Variants in LPIN2 observed in about 807,000 individuals in gnomAD.
The protein encoded by LPIN2 is lipin 2, also known as phosphatidate phosphatase LPIN2.
Under a neutral mutation model 111.4 loss-of-function variants are expected in LPIN2, and 55 were observed. The ratio of observed to expected loss-of-function variants is 0.49; its 90% confidence interval spans 0.40 to 0.62. The LOEUF is 0.62. Among genes scored for constraint, LPIN2 ranks in the 20% least tolerant of loss-of-function variants. The pLI, the probability that LPIN2 is intolerant of heterozygous loss-of-function variation, is 0.00. For missense variants in LPIN2, 992 were observed against 1,112.1 expected, an observed-to-expected ratio of 0.89 and a Z score of 1.54; for synonymous variants, 425 against 414.0, an observed-to-expected ratio of 1.03 and a Z score of -0.32.
rs2077208964 is a variant in LPIN2, at chr18:2,931,248, C to A, written c.1456+8G>T. The A allele has an allele frequency of 6.2e-7, 1 of 1,613,936 alleles. No homozygotes were observed. The highest frequency in any genetic ancestry group is 1.1e-5 in the South Asian group (1 of 90,996). ...GAAATGAAGATGGGGCACAAACACC[C>A]AACGTACCTTTTGAAATTTCTCCAT... On this transcript the variant is annotated splice_region_variant and intron_variant, in intron 9 of 19. Transcript: ENST00000677752.
At chr18:2,958,039 G>A (rs2077639790) in intron 2 of LPIN2, among the ~76,000 whole-genome samples, 1 of 150,566 alleles carries the variant, frequency 6.6e-6, no homozygotes, top group Non-Finnish European at 1.5e-5. Flanking sequence ...CTACTCGGGA[G>A]GCTGAGGCAG....
chr18:2,973,959 C>T (rs1292135728), intron 1 of LPIN2, among the ~76,000 whole-genome samples: 1 of 152,208 alleles, frequency 6.6e-6, no homozygotes, highest in East Asian at 1.9e-4. Flanking sequence ...TAGGGATGCT[C>T]ATTCTGTACT....
chr18:2,999,711 A>G (rs1029817780), intron 1 of LPIN2, among the ~76,000 whole-genome samples: 1 of 152,138 alleles, frequency 6.6e-6, no homozygotes, highest in African/African-American at 2.4e-5. Context: ...TCTGCAAGCC[A>G]AGGAACGCCA....
intron 1 of LPIN2, chr18:2,982,905 T>TAAA: frequency 1.0e-5 from 3 of 299,666 alleles, no homozygotes; most frequent in Non-Finnish European, 2.0e-5. Context: ...AAATGGTTCT[T>TAAA]AAAAAAAAAA....
intron 1 of LPIN2, among the ~76,000 whole-genome samples, chr18:2,987,246 C>T (rs1272356453): frequency 2.6e-5 from 4 of 152,144 alleles, no homozygotes; most frequent in African/African-American, 9.7e-5. Flanking sequence ...TTGTTATAGA[C>T]TCACAATAAC....
Position 2,922,015 on chromosome 18 carries a change from G to A in LPIN2, c.2327+32C>T, listed in dbSNP as rs531289222. The A allele has an allele frequency of 1.4e-4, 232 of 1,602,332 alleles. 3 individuals carry two copies. In the South Asian group the frequency reaches 1.5e-3, roughly 10 times the overall value. On this transcript the variant is annotated intron_variant, in intron 17 of 19. Coordinates refer to ENST00000677752, the MANE Select transcript of LPIN2 (RefSeq NM_001375808.2). ...CCCAGCCCCGCCCACATGCTGGGGC[G>A]GTGGGCAGAGGGCTGCCTGCCGGAG...
At chr18:3,000,122 A>AGGT (rs1318493447) in intron 1 of LPIN2, among the ~76,000 whole-genome samples, 3 of 134,030 alleles carry the variant, frequency 2.2e-5, no homozygotes, top group Non-Finnish European at 1.5e-5. Context: ...GGGAAGAAGG[A>AGGT]GGAGGAGGAG....
At chr18:2,971,221 C>A (rs777694926) in intron 1 of LPIN2, among the ~76,000 whole-genome samples, 1 of 152,140 alleles carries the variant, frequency 6.6e-6, no homozygotes, top group African/African-American at 2.4e-5. Flanking sequence ...TCTGGTATTT[C>A]GTAAGAGGAG....
At position 2,919,956 on chromosome 18, in the gene LPIN2, G is replaced by C; in HGVS notation, c.*337C>G. The C allele has an allele frequency of 2.5e-6, 1 of 395,500 alleles. No individual in the cohort carries two copies. The highest frequency in any genetic ancestry group is 2.2e-5 in the South Asian group (1 of 46,024). The allele number at this position is 395,500 out of a possible 1,614,324, so 24.5% of individuals were successfully genotyped here. ...AACACTTCACTGTGTGCAGTGTTTT[G>C]GTCCACTCTTTTTTAGCTGCTTTTT... On this transcript the variant is annotated 3_prime_UTR_variant, in exon 20 of 20. Coordinates refer to ENST00000677752, the MANE Select transcript of LPIN2 (RefSeq NM_001375808.2).
intron 1 of LPIN2, among the ~76,000 whole-genome samples, chr18:2,965,044 A>G (rs958388333): frequency 2.6e-5 from 4 of 152,182 alleles, no homozygotes; most frequent in African/African-American, 9.6e-5. Context: ...TGTAATATAC[A>G]GTGTGCTGTT....
chr18:3,008,859 G>A (rs182176237), intron 1 of LPIN2, among the ~76,000 whole-genome samples: 1 of 149,174 alleles, frequency 6.7e-6, no homozygotes, highest in African/African-American at 2.5e-5. Flanking sequence ...TCACACAGGT[G>A]CCCGCACTAC....
intron 16 of LPIN2, 120 bp downstream of exon 16, chr18:2,923,655 C>G: frequency 1.1e-6 from 1 of 877,956 alleles, no homozygotes; most frequent in East Asian, 2.4e-5. Context: ...TGAGGAAGAG[C>G]GGGAATGCTT....
chr18:2,968,949 A>C (rs962342791), intron 1 of LPIN2, among the ~76,000 whole-genome samples: 3 of 152,210 alleles, frequency 2.0e-5, no homozygotes, highest in African/African-American at 7.2e-5. Flanking sequence ...CTATGGTAGA[A>C]GAGACACACA....
Position 2,929,057 on chromosome 18 carries a change from G to A in LPIN2, c.1550+8C>T. On this transcript the variant is annotated splice_region_variant and intron_variant, in intron 10 of 19. Transcript: ENST00000677752. Reference sequence around the variant, plus strand: ...GTATTTAACAATTATAAAAGCAGGAGTATTTACCGATTATATATCCTTATT... The same window carrying A: ...GTATTTAACAATTATAAAAGCAGGAATATTTACCGATTATATATCCTTATT... The A allele has an allele frequency of 6.6e-7, 1 of 1,512,358 alleles. No homozygotes were observed. The highest frequency in any genetic ancestry group is 1.1e-5 in the South Asian group (1 of 88,740). The allele number at this position is 1,512,358 out of a possible 1,614,324, so 93.7% of individuals were successfully genotyped here. A position where few individuals can be genotyped will look rare whatever the true frequency, so the allele number is the denominator to read the frequency against.
At chr18:2,961,994 T>C (rs2077721101) in intron 1 of LPIN2, among the ~76,000 whole-genome samples, 1 of 152,210 alleles carries the variant, frequency 6.6e-6, no homozygotes, top group African/African-American at 2.4e-5. Context: ...TCTGAAAAGT[T>C]TCAGAGATCA....
chr18:3,007,551 T>C (rs1000664471), intron 1 of LPIN2, among the ~76,000 whole-genome samples: 1 of 152,204 alleles, frequency 6.6e-6, no homozygotes, highest in Non-Finnish European at 1.5e-5. Flanking sequence ...CTCTCAGTGT[T>C]TACAAAGAAA....
At chr18:2,964,301 A>G (rs1247506909) in intron 1 of LPIN2, among the ~76,000 whole-genome samples, 6 of 151,286 alleles carry the variant, frequency 4.0e-5, no homozygotes, top group Non-Finnish European at 7.4e-5. Context: ...AAAAAAAAAA[A>G]AAAAGAAATG....
intron 1 of LPIN2, among the ~76,000 whole-genome samples, chr18:2,991,721 T>C (rs1405416086): frequency 1.3e-5 from 2 of 151,236 alleles, no homozygotes; most frequent in African/African-American, 2.4e-5. Context: ...CAAAAAATAA[T>C]AATAATAAGG....
chr18:2,999,832 T>C (rs2078404153), intron 1 of LPIN2, among the ~76,000 whole-genome samples: 1 of 151,878 alleles, frequency 6.6e-6, no homozygotes, highest in Non-Finnish European at 1.5e-5. Flanking sequence ...ATTAAGACAT[T>C]CTATAGAAGG....
Sources: gnomAD v4.1 joint callset for allele counts (sites outside exome capture counted in the v4.1 genomes callset) on GRCh38, gnomAD v4.1.1 for gene constraint, MANE v1.5 for transcripts, NCBI Gene and HGNC (gene_info 2026-07-23, HGNC 2026-07-21) for gene names.